Variants in PHKB observed in about 807,000 individuals in gnomAD.
PHKB encodes the protein phosphorylase b kinase regulatory subunit beta.
A neutral mutation model predicts 152.1 loss-of-function variants in PHKB; 122 were observed. The observed-to-expected ratio is 0.80, with a 90% CI of 0.69 to 0.93. The LOEUF is 0.93. PHKB is among the 40% of genes least tolerant of loss of function. The pLI, the probability that PHKB is intolerant of heterozygous loss-of-function variation, is 0.00. For synonymous variants in PHKB, 436 were observed against 464.9 expected (o/e 0.94, Z 0.80); for missense variants, 1,304 against 1,328.4 (o/e 0.98, Z 0.29).
At chr16:47,476,720 T>C (rs985153480) in intron 1 of PHKB, among the ~76,000 whole-genome samples, 1 of 152,212 alleles carries the variant, frequency 6.6e-6, no homozygotes, top group Admixed American at 6.5e-5. Flanking sequence ...CTGGTGTCAC[T>C]GTCTTAATTC....
chr16:47,502,810 A>AT (rs201964076), intron 3 of PHKB, among the ~76,000 whole-genome samples, 181 bp from the exon 4 acceptor site: 17 of 151,810 alleles, frequency 1.1e-4, no homozygotes, highest in Non-Finnish European at 1.9e-4. Context: ...TCATCATAGG[A>AT]TTTTTTTTTC....
At chr16:47,509,546 A>G (rs1390828297) in intron 4 of PHKB, among the ~76,000 whole-genome samples, 1 of 152,242 alleles carries the variant, frequency 6.6e-6, no homozygotes, top group Admixed American at 6.5e-5. Context: ...CTTGAGCAAT[A>G]CAGTACCCAC....
chr16:47,524,570 A>G (rs776227115), intron 6 of PHKB, among the ~76,000 whole-genome samples: 3 of 152,176 alleles, frequency 2.0e-5, no homozygotes, highest in Admixed American at 6.5e-5. Flanking sequence ...GGAGTTCGAG[A>G]CCAGCCTGGC....
intron 6 of PHKB, among the ~76,000 whole-genome samples, chr16:47,543,592 T>C (rs1256842122): frequency 1.3e-5 from 2 of 151,134 alleles, no homozygotes; most frequent in Non-Finnish European, 3.0e-5. Flanking sequence ...CTGCTCCTTG[T>C]ACCTCTGGTA....
chr16:47,650,703 T>C, intron 19 of PHKB, 77 bp downstream of exon 19: 1 of 1,252,416 alleles, frequency 8.0e-7, no homozygotes, highest in Non-Finnish European at 1.2e-6. Context: ...AAAGGCCTCC[T>C]TGGATGTTTT....
chr16:47,513,385 C>T (rs528471700), intron 5 of PHKB, among the ~76,000 whole-genome samples: 1 of 152,270 alleles, frequency 6.6e-6, no homozygotes, highest in South Asian at 2.1e-4. Flanking sequence ...CCCTTCTCAC[C>T]ATGCAACCAT....
rs1046044622 is a variant in PHKB, at chr16:47,593,415, G to A, written c.1069-85G>A. ...TGATTGTGCCACTGCACTCCAGCCTGGGCCACAGAGTGAGATCTTGTCTCA... is the reference window on the plus strand; with the variant it reads ...TGATTGTGCCACTGCACTCCAGCCTAGGCCACAGAGTGAGATCTTGTCTCA... On this transcript the variant is annotated intron_variant, in intron 10 of 30. Coordinates refer to ENST00000323584, the MANE Select transcript of PHKB (RefSeq NM_000293.3). 4.9e-5 allele frequency: 38 copies of A among 780,232 alleles called. No individual in the cohort carries two copies. In the Admixed American group the frequency reaches 7.7e-4, roughly 16 times the overall value. 48.3% of individuals were successfully genotyped at this position (780,232 alleles called of 1,614,324 possible).
chr16:47,527,636 G>A (rs780468642), intron 6 of PHKB, among the ~76,000 whole-genome samples: 10 of 152,152 alleles, frequency 6.6e-5, no homozygotes, highest in East Asian at 1.9e-4. Flanking sequence ...ATTATGTCCC[G>A]TCAAAATTCA....
At chr16:47,466,757 GT>G (rs979580458) in intron 1 of PHKB, among the ~76,000 whole-genome samples, 1 of 151,564 alleles carries the variant, frequency 6.6e-6, no homozygotes, top group Admixed American at 6.6e-5. Flanking sequence ...GCCTGATATT[GT>G]TTTTTTTAAG....
chr16:47,514,842 G>T (rs548104411), intron 5 of PHKB, among the ~76,000 whole-genome samples: 1 of 151,918 alleles, frequency 6.6e-6, no homozygotes, highest in South Asian at 2.1e-4. Flanking sequence ...GTATTTTTTT[G>T]TTTAGATCAT....
intron 25 of PHKB, chr16:47,665,633 C>T: frequency 2.3e-6 from 1 of 430,174 alleles, no homozygotes; most frequent in Non-Finnish European, 4.3e-6. Context: ...CTCCTATACA[C>T]CCTCCCTCCC....
At chr16:47,520,876 C>G (rs992023696) in intron 6 of PHKB, among the ~76,000 whole-genome samples, 5 of 152,080 alleles carry the variant, frequency 3.3e-5, no homozygotes, top group African/African-American at 1.2e-4. Context: ...GATTAAGTCT[C>G]ATTTATCTAA....
chr16:47,558,619 G>C (rs1325352860), intron 7 of PHKB, among the ~76,000 whole-genome samples: 1 of 152,148 alleles, frequency 6.6e-6, no homozygotes, highest in Non-Finnish European at 1.5e-5. Flanking sequence ...GTGCGATCTT[G>C]GCTCACTGCA....
chr16:47,535,584 G>T (rs1171258088), intron 6 of PHKB, among the ~76,000 whole-genome samples: 1 of 152,078 alleles, frequency 6.6e-6, no homozygotes, highest in East Asian at 1.9e-4. Context: ...TTTGCTTTTG[G>T]AGTTGCAGTG....
At chr16:47,566,898 G>T (rs531402186) in intron 7 of PHKB, 25 of 651,246 alleles carry the variant, frequency 3.8e-5, no homozygotes, top group South Asian at 3.7e-4. Context: ...GTTCTTGAAG[G>T]TCAATAATGG....
chr16:47,696,015 G>C (rs909793605), intron 28 of PHKB, among the ~76,000 whole-genome samples: 1 of 152,194 alleles, frequency 6.6e-6, no homozygotes, highest in Non-Finnish European at 1.5e-5. Context: ...GGTGACTTCT[G>C]TGCGGGAGCC....
intron 1 of PHKB, among the ~76,000 whole-genome samples, chr16:47,482,360 A>G (rs566830992): frequency 6.6e-6 from 1 of 152,328 alleles, no homozygotes; most frequent in South Asian, 2.1e-4. Flanking sequence ...AAGTATATCT[A>G]GTTTTATTCT....
At chr16:47,640,526 A>G (rs1281936841) in intron 14 of PHKB, among the ~76,000 whole-genome samples, 1 of 152,214 alleles carries the variant, frequency 6.6e-6, no homozygotes, top group Non-Finnish European at 1.5e-5. Context: ...TTCATGCTCT[A>G]TTATAAGAAT....
In PHKB at chr16:47,596,426, G is replaced by C. The variant is rs1172904708; in HGVS notation, c.1258G>C (p.Glu420Gln). The change falls in exon 13 of 31, where the codon GAA becomes CAA. Residue 420 changes from glutamate to glutamine, a missense_variant. Transcript: ENST00000323584. ...YYVPADFVEY[E>Q]KNNPGSQKRF... ...TGTGCCAGCTGACTTTGTAGAATAT[G>C]AAAAAAATAACCCTGGTAGTCAAAA... 2.5e-6 allele frequency: 4 copies of C among 1,612,154 alleles called. No individual in the cohort carries two copies. Among genetic ancestry groups the C allele is most frequent in the Non-Finnish European group, 3.4e-6 (4 of 1,178,454 alleles).
Sources: allele counts gnomAD v4.1 joint callset (sites outside exome capture counted in the v4.1 genomes callset), GRCh38; gene constraint gnomAD v4.1.1; transcripts MANE v1.5; gene names NCBI Gene and HGNC (gene_info 2026-07-23, HGNC 2026-07-21).